STMN2: variants seen among roughly 807,000 people sequenced by gnomAD.
The protein encoded by STMN2 is stathmin 2, also known as stathmin-2.
Under a neutral mutation model 24.1 loss-of-function variants are expected in STMN2, and 2 were observed. The observed-to-expected ratio is 0.08, with a 90% CI of 0.03 to 0.26. The LOEUF (loss-of-function observed/expected upper bound fraction) is 0.26, where lower values mean the gene tolerates loss of function less well. Ranked by LOEUF, STMN2 falls within the 10% of genes least tolerant of loss-of-function variation. The probability of loss-of-function intolerance (pLI) is 1.00; values close to 1 mark genes in which losing one functional copy is unlikely to be tolerated. For missense variants in STMN2, 114 were observed against 213.6 expected, an observed-to-expected ratio of 0.53 and a Z score of 2.91; for synonymous variants, 83 against 77.5, an observed-to-expected ratio of 1.07 and a Z score of -0.37.
intron 1 of STMN2, among the ~76,000 whole-genome samples, chr8:79,618,096 A>G (rs1016963677): frequency 1.3e-5 from 2 of 152,240 alleles, no homozygotes; most frequent in Admixed American, 1.3e-4. Flanking sequence ...GTGAGCTCCC[A>G]TTGCAGAGGT....
At chr8:79,642,377 T>C (rs1385711372) in intron 3 of STMN2, among the ~76,000 whole-genome samples, 4 of 152,192 alleles carry the variant, frequency 2.6e-5, no homozygotes, top group African/African-American at 9.7e-5. Context: ...CATGTGGTTA[T>C]GGTAGTTAAT....
In STMN2 at chr8:79,655,019, G is replaced by A. The variant is rs756705192; in HGVS notation, c.437G>A (p.Arg146His). 6 of 1,614,008 alleles carry A rather than the reference G, an allele frequency of 3.7e-6. No individual in the cohort carries two copies. Among genetic ancestry groups the A allele is most frequent in the South Asian group, 1.1e-5 (1 of 91,078 alleles). The change falls in exon 4 of 5, where the codon CGT becomes CAT. Residue 146 changes from arginine (R) to histidine (H), a missense_variant. Coordinates refer to ENST00000220876, the MANE Select transcript of STMN2 (RefSeq NM_007029.4). ...AAAATGGAACAAATTAAGGAAAACCGTGAGGCTAATCTAGCTGCTATTATT... is the reference window on the plus strand; with the variant it reads ...AAAATGGAACAAATTAAGGAAAACCATGAGGCTAATCTAGCTGCTATTATT... ...ILKMEQIKEN[R>H]EANLAAIIER...
At chr8:79,644,960 G>A (rs1810187479) in intron 3 of STMN2, among the ~76,000 whole-genome samples, 1 of 152,154 alleles carries the variant, frequency 6.6e-6, no homozygotes, top group Admixed American at 6.6e-5. Flanking sequence ...TTCAAGACCA[G>A]CCTGGCCAAC....
chr8:79,629,688 A>G (rs1809753436), intron 1 of STMN2, among the ~76,000 whole-genome samples: 1 of 152,168 alleles, frequency 6.6e-6, no homozygotes, highest in Non-Finnish European at 1.5e-5. Flanking sequence ...GTCATCTCCC[A>G]TTAATTATTT....
At chr8:79,629,104 T>C (rs1320589737) in intron 1 of STMN2, among the ~76,000 whole-genome samples, 2 of 152,154 alleles carry the variant, frequency 1.3e-5, no homozygotes, top group African/African-American at 2.4e-5. Context: ...GCCTCTAAGA[T>C]GGATGCTGAG....
intron 2 of STMN2, 90 bp from the exon 3 acceptor site, chr8:79,641,288 G>T (rs1001552810): frequency 4.3e-6 from 6 of 1,389,970 alleles, no homozygotes; most frequent in Non-Finnish European, 5.8e-6. Flanking sequence ...GAATAACAAC[G>T]CTACTTCCAA....
intron 2 of STMN2, among the ~76,000 whole-genome samples, chr8:79,640,026 C>T (rs1377154103): frequency 6.6e-6 from 1 of 152,160 alleles, no homozygotes; most frequent in African/African-American, 2.4e-5. Context: ...ATGCTGAAAC[C>T]TTGCCTCTAC....
rs11374351 is a variant in STMN2, at chr8:79,648,453, CT to C, written c.289-6397del. 7.7e-3 allele frequency among the ~76,000 whole-genome samples: 755 copies of C among 97,842 alleles called. 3 individuals are homozygous for C. Among genetic ancestry groups the C allele is most frequent in the African/African-American group, 0.026 (666 of 25,498 alleles). 64.2% of individuals were successfully genotyped at this position (97,842 alleles called of 152,430 possible). ...AAATGCTACCATACAATATACGTTG[CT>C]TTTTTTTTTTTTTTTTTTTTGAGAC... On this transcript the variant is annotated intron_variant, in intron 3 of 4. Transcript: ENST00000220876.
chr8:79,650,822 C>T (rs1449358973), intron 3 of STMN2, among the ~76,000 whole-genome samples: 2 of 152,000 alleles, frequency 1.3e-5, no homozygotes, highest in Non-Finnish European at 2.9e-5. Context: ...GCCTGTAGTC[C>T]CAGCTGTGCA....
At chr8:79,616,353 A>T (rs1243480888) in intron 1 of STMN2, among the ~76,000 whole-genome samples, 3 of 152,248 alleles carry the variant, frequency 2.0e-5, no homozygotes, top group Non-Finnish European at 2.9e-5. Flanking sequence ...GTATAAACTA[A>T]TTTTGGGTAT....
At chr8:79,663,798 T>C in intron 4 of STMN2, 1 of 594,980 alleles carries the variant, frequency 1.7e-6, no homozygotes. Context: ...TATAGCCACA[T>C]ACTAAAAAAT....
chr8:79,636,020 C>A (rs1370724628), intron 1 of STMN2, among the ~76,000 whole-genome samples: 1 of 152,020 alleles, frequency 6.6e-6, no homozygotes, highest in Admixed American at 6.6e-5. Flanking sequence ...AATTCAAGAC[C>A]AGCCTGAGAA....
intron 4 of STMN2, among the ~76,000 whole-genome samples, chr8:79,656,906 C>T (rs1245315130): frequency 7.3e-6 from 1 of 136,308 alleles, no homozygotes; most frequent in Non-Finnish European, 1.7e-5. Context: ...TAGAGTCTCG[C>T]TGTGTCGCCC....
chr8:79,626,156 T>C (rs1011409188), intron 1 of STMN2, among the ~76,000 whole-genome samples: 1 of 150,826 alleles, frequency 6.6e-6, no homozygotes, highest in Non-Finnish European at 1.5e-5. Flanking sequence ...CTAAGGTTAA[T>C]AGTTCCTGAC....
At chr8:79,625,198 CTG>C (rs1809623620) in intron 1 of STMN2, among the ~76,000 whole-genome samples, 1 of 152,032 alleles carries the variant, frequency 6.6e-6, no homozygotes, top group Non-Finnish European at 1.5e-5. Context: ...ACATTTTGAA[CTG>C]TTTTTTATTT....
chr8:79,618,360 C>A (rs1303255237), intron 1 of STMN2, among the ~76,000 whole-genome samples: 1 of 152,188 alleles, frequency 6.6e-6, no homozygotes, highest in Non-Finnish European at 1.5e-5. Context: ...TGGGAACACA[C>A]TCTGATGACC....
At chr8:79,630,447 C>T (rs1307977304) in intron 1 of STMN2, among the ~76,000 whole-genome samples, 1 of 152,124 alleles carries the variant, frequency 6.6e-6, no homozygotes, top group African/African-American at 2.4e-5. Flanking sequence ...TGGAGAAAAG[C>T]CACACATTAC....
intron 1 of STMN2, among the ~76,000 whole-genome samples, chr8:79,616,703 T>G (rs996314084): frequency 1.1e-4 from 16 of 152,240 alleles, no homozygotes; most frequent in South Asian, 4.1e-4. Context: ...TATGGTAATC[T>G]TTACAAAATA....
chr8:79,637,123 T>C (rs1809981251), intron 2 of STMN2, among the ~76,000 whole-genome samples: 1 of 152,194 alleles, frequency 6.6e-6, no homozygotes, highest in African/African-American at 2.4e-5. Context: ...TGTGGATGGA[T>C]TCTTATTAAC....
Sources: gnomAD v4.1 joint callset for allele counts (sites outside exome capture counted in the v4.1 genomes callset) on GRCh38, gnomAD v4.1.1 for gene constraint, MANE v1.5 for transcripts, NCBI Gene and HGNC (gene_info 2026-07-23, HGNC 2026-07-21) for gene names.